The following BLTP3B variants were observed in gnomAD, a reference collection of about 807,000 sequenced individuals.
BLTP3B encodes UHRF1 (ICBP90) binding protein 1-like.
the BLTP3B span, among the ~76,000 whole-genome samples, chr12:100,042,696 A>C: frequency 1.3e-5 from 2 of 152,228 alleles, no homozygotes; most frequent in Non-Finnish European, 2.9e-5. Flanking sequence ...CCCAACCTTC[A>C]ACAACCATGG....
At chr12:100,108,732 AGAAT>A in the BLTP3B span, among the ~76,000 whole-genome samples, 4 of 152,256 alleles carry the variant, frequency 2.6e-5, no homozygotes, top group African/African-American at 9.6e-5. Flanking sequence ...GCCATAAAAA[AGAAT>A]GAGATCCTGT....
chr12:100,142,780 A>AGGCCACAGCCGC, the BLTP3B span: 1 of 1,243,352 alleles, frequency 8.0e-7, no homozygotes, highest in Non-Finnish European at 1.1e-6. Flanking sequence ...GCCCCGGCCA[A>AGGCCACAGCCGC]GGCCACAGCC....
chr12:100,098,704 C>G, the BLTP3B span, among the ~76,000 whole-genome samples: 1 of 151,602 alleles, frequency 6.6e-6, no homozygotes, highest in Admixed American at 6.6e-5. Context: ...GAGTTCAAGC[C>G]CAGCCTGGCC....
At chr12:100,116,299 TAA>T in the BLTP3B span, among the ~76,000 whole-genome samples, 2 of 150,302 alleles carry the variant, frequency 1.3e-5, no homozygotes, top group Non-Finnish European at 3.0e-5. Context: ...TACAAAAAAT[TAA>T]AAGTTAGCTA....
the BLTP3B span, among the ~76,000 whole-genome samples, chr12:100,126,240 G>A: frequency 4.6e-5 from 7 of 152,194 alleles, no homozygotes; most frequent in African/African-American, 1.7e-4. Flanking sequence ...GCAGCAGCAC[G>A]TTCAAGATTA....
At chr12:100,079,474 T>C in the BLTP3B span, among the ~76,000 whole-genome samples, 1 of 152,204 alleles carries the variant, frequency 6.6e-6, no homozygotes, top group Admixed American at 6.5e-5. Context: ...AACTCTGAAC[T>C]TGAGAGATGA....
the BLTP3B span, among the ~76,000 whole-genome samples, chr12:100,065,187 C>G: frequency 6.6e-6 from 1 of 151,954 alleles, no homozygotes; most frequent in Non-Finnish European, 1.5e-5. Flanking sequence ...TCTCTTAATC[C>G]TGTTATCTTC....
At chr12:100,090,787 C>T in the BLTP3B span, among the ~76,000 whole-genome samples, 1 of 152,140 alleles carries the variant, frequency 6.6e-6, no homozygotes, top group African/African-American at 2.4e-5. Flanking sequence ...CCTGCTTTTC[C>T]CATTTTCAAA....
chr12:100,124,971 TATATATA>T, the BLTP3B span, among the ~76,000 whole-genome samples: 810 of 108,188 alleles, frequency 7.5e-3, 10 homozygotes, highest in African/African-American at 0.034. Flanking sequence ...TATATATATA[TATATATA>T]TTTATATTTA....
At chr12:100,131,001 GA>G in the BLTP3B span, among the ~76,000 whole-genome samples, 8 of 99,082 alleles carry the variant, frequency 8.1e-5, no homozygotes, top group Admixed American at 3.9e-4. Context: ...GAGAGAGAGA[GA>G]GAGAGAGAGA....
At chr12:100,119,992 G>GA in the BLTP3B span, among the ~76,000 whole-genome samples, 9 of 152,138 alleles carry the variant, frequency 5.9e-5, no homozygotes, top group African/African-American at 1.4e-4. Context: ...CATAGACTGG[G>GA]AAAAAATATT....
chr12:100,040,564 T>C, the BLTP3B span, among the ~76,000 whole-genome samples: 20 of 152,186 alleles, frequency 1.3e-4, no homozygotes, highest in East Asian at 2.7e-3. Flanking sequence ...ACCTGTAGCC[T>C]GGCAGAAGGC....
chr12:100,136,759 C>T, the BLTP3B span, among the ~76,000 whole-genome samples: 2 of 151,344 alleles, frequency 1.3e-5, no homozygotes, highest in African/African-American at 2.4e-5. Flanking sequence ...AACTTTTCTT[C>T]AGCAACTCAC....
At chr12:100,130,641 C>T in the BLTP3B span, among the ~76,000 whole-genome samples, 209 of 152,136 alleles carry the variant, frequency 1.4e-3, no homozygotes, top group African/African-American at 4.9e-3. Context: ...TGGGGCTGGG[C>T]GCGGTGGCTC....
chr12:100,103,847 A>G, the BLTP3B span: 1 of 1,293,242 alleles, frequency 7.7e-7, no homozygotes. Flanking sequence ...AAAGATTACT[A>G]TGAACAGAGT....
the BLTP3B span, chr12:100,058,332 C>A: frequency 1.2e-6 from 2 of 1,613,642 alleles, no homozygotes; most frequent in Non-Finnish European, 1.7e-6. Flanking sequence ...GTAAACAAGT[C>A]CACTACTTTC....
the BLTP3B span, among the ~76,000 whole-genome samples, chr12:100,118,526 G>T: frequency 2.0e-5 from 3 of 152,176 alleles, no homozygotes; most frequent in African/African-American, 7.2e-5. Context: ...TGGGACCATG[G>T]AATAGAAAAA....
chr12:100,108,026 G>T, the BLTP3B span, among the ~76,000 whole-genome samples: 1 of 152,154 alleles, frequency 6.6e-6, no homozygotes, highest in South Asian at 2.1e-4. Flanking sequence ...ACAGGTGTGA[G>T]CCACCATGCC....
chr12:100,057,652 T>C, the BLTP3B span: 3 of 1,612,884 alleles, frequency 1.9e-6, no homozygotes, highest in East Asian at 2.2e-5. Flanking sequence ...AGTGAAATGG[T>C]ATCCAATGAC....
Sources: allele counts gnomAD v4.1 joint callset (sites outside exome capture counted in the v4.1 genomes callset), GRCh38; gene constraint gnomAD v4.1.1; transcripts MANE v1.5; gene names NCBI Gene and HGNC (gene_info 2026-07-23, HGNC 2026-07-21).